The following SCAPER variants were observed in gnomAD, a reference collection of about 807,000 sequenced individuals.
SCAPER encodes S phase cyclin A-associated protein in the endoplasmic reticulum.
In SCAPER, 98 loss-of-function variants were observed where a neutral mutation model predicts 182.2. The observed-to-expected ratio is 0.54, with a 90% CI of 0.46 to 0.64. The LOEUF (loss-of-function observed/expected upper bound fraction) is 0.64. Ranked by LOEUF, SCAPER falls within the 30% of genes least tolerant of loss-of-function variation. The pLI is 0.00. For missense variants in SCAPER, 1,432 were observed against 1,690.0 expected, an observed-to-expected ratio of 0.85 and a Z score of 2.68; for synonymous variants, 605 against 564.6, an observed-to-expected ratio of 1.07 and a Z score of -1.01.
At chr15:76,391,935 T>G (rs1241184684) in intron 27 of SCAPER, among the ~76,000 whole-genome samples, 3 of 152,186 alleles carry the variant, frequency 2.0e-5, no homozygotes, top group African/African-American at 7.2e-5. Context: ...CAAATAGGAC[T>G]GGATTGGATT....
intron 24 of SCAPER, among the ~76,000 whole-genome samples, chr15:76,488,058 C>T (rs528282077): frequency 4.1e-4 from 63 of 152,208 alleles, no homozygotes; most frequent in African/African-American, 1.4e-3. Flanking sequence ...AGATAAAATA[C>T]CTTCTGAATT....
intron 27 of SCAPER, 58 bp from the exon 28 acceptor site, chr15:76,381,673 G>A: frequency 3.8e-6 from 5 of 1,328,530 alleles, no homozygotes; most frequent in Non-Finnish European, 5.2e-6. Flanking sequence ...TTAGCAATTT[G>A]TATAGGTTAA....
chr15:76,474,961 A>G (rs1423264164), intron 24 of SCAPER, among the ~76,000 whole-genome samples: 1 of 152,162 alleles, frequency 6.6e-6, no homozygotes, highest in East Asian at 1.9e-4. Flanking sequence ...CCCACATCTA[A>G]CACATTTATG....
chr15:76,841,982 G>T, intron 4 of SCAPER, 51 bp from the exon 5 acceptor site: 1 of 1,493,208 alleles, frequency 6.7e-7, no homozygotes. Flanking sequence ...GGGCTTCCAG[G>T]GACTGGATTT....
chr15:76,623,192 T>C (rs2052257401), intron 21 of SCAPER, among the ~76,000 whole-genome samples: 1 of 152,238 alleles, frequency 6.6e-6, no homozygotes, highest in Non-Finnish European at 1.5e-5. Flanking sequence ...TCTCCCATTC[T>C]GTAGGTTATC....
In SCAPER at chr15:76,492,257, C is replaced by T. The variant is rs544654910; in HGVS notation, c.2954+12602G>A. 5.1e-4 allele frequency among the ~76,000 whole-genome samples: 78 copies of T among 152,246 alleles called. No homozygotes were observed. The South Asian group carries it at 6.2e-3, about 12-fold the overall frequency. On this transcript the variant is annotated intron_variant, in intron 24 of 31. Transcript: ENST00000563290. ...ATGATCTTTAAAATTTTAAAACGAG[C>T]AAAACCAGATCTCATTTACAAGCAC...
Position 76,686,743 on chromosome 15 carries a change from T to C in SCAPER, c.2508+15015A>G, listed in dbSNP as rs537454069. On this transcript the variant is annotated intron_variant, in intron 20 of 31. Transcript: ENST00000563290. ...AACAAACTAAAGCTCTTCATAGTAA[T>C]TGGATGAATATAAGCATTATAATAC... is the stretch of plus-strand genomic sequence containing the variant. Among the ~76,000 whole-genome samples, 17 of 152,148 alleles carry C rather than the reference T, an allele frequency of 1.1e-4. 1 individual carries two copies. Among genetic ancestry groups the C allele is most frequent in the African/African-American group, 3.6e-4 (15 of 41,538 alleles).
intron 20 of SCAPER, among the ~76,000 whole-genome samples, chr15:76,688,827 A>G (rs1351628558): frequency 2.1e-5 from 3 of 144,326 alleles, no homozygotes; most frequent in African/African-American, 7.6e-5. Context: ...TGGTTACTGT[A>G]GCCTTAAATG....
chr15:76,358,003 G>A (rs2041120765), intron 29 of SCAPER, among the ~76,000 whole-genome samples: 1 of 152,186 alleles, frequency 6.6e-6, no homozygotes, highest in South Asian at 2.1e-4. Context: ...TACTATTCAG[G>A]TGACTGTTAC....
intron 29 of SCAPER, among the ~76,000 whole-genome samples, chr15:76,375,117 C>G (rs2042456216): frequency 6.9e-6 from 1 of 144,356 alleles, no homozygotes; most frequent in African/African-American, 2.6e-5. Context: ...ACTCAGGAGG[C>G]TGAGATGGGA....
rs1394987659 is a variant in SCAPER at position 76,665,698 on chromosome 15, T to C, written c.2600A>G (p.Lys867Arg). 15 of 1,580,700 alleles carry C rather than the reference T, an allele frequency of 9.5e-6. No individual in the cohort carries two copies. The highest frequency in any genetic ancestry group is 1.2e-5 in the Non-Finnish European group (14 of 1,163,478). Residue 867 changes from lysine to arginine, a missense_variant, in exon 21 of 32, where the codon AAA (lysine) becomes AGA (arginine). Around this residue, in one of 5 missense-constraint regions of SCAPER, gnomAD observed 718 missense variants for 799.7 expected, o/e 0.90. Coordinates refer to ENST00000563290, the MANE Select transcript of SCAPER (RefSeq NM_020843.4). The part of the protein sequence containing the change: ...EALKDGEERQ[K>R]NKKKAKKIKA... ...TATCTTTTTGGCTTTTTTTTTATTT[T>C]TTTGCCGCTCTTCTCCATCTTTCAA...
intron 3 of SCAPER, among the ~76,000 whole-genome samples, chr15:76,861,656 C>G (rs8040164): frequency 5.2e-4 from 79 of 152,124 alleles, no homozygotes; most frequent in African/African-American, 1.9e-3. Flanking sequence ...GAAATATCTT[C>G]TATTTTCTAA....
At chr15:76,875,093 G>A (rs990470437) in intron 2 of SCAPER, among the ~76,000 whole-genome samples, 5 of 152,122 alleles carry the variant, frequency 3.3e-5, no homozygotes, top group Admixed American at 6.5e-5. Flanking sequence ...CAGAAAATCT[G>A]AATAGTTACT....
intron 27 of SCAPER, among the ~76,000 whole-genome samples, chr15:76,397,483 T>TTC (rs2044149250): frequency 7.1e-6 from 1 of 140,692 alleles, no homozygotes; most frequent in East Asian, 2.1e-4. Flanking sequence ...ACTTTTTTTT[T>TTC]TTTTTTTTTT....
At chr15:76,698,207 C>T (rs950974161) in intron 20 of SCAPER, among the ~76,000 whole-genome samples, 1 of 151,848 alleles carries the variant, frequency 6.6e-6, no homozygotes, top group African/African-American at 2.4e-5. Context: ...TGTTCCATTT[C>T]ATTTGTATTA....
At chr15:76,609,796 T>G (rs2050814089) in intron 22 of SCAPER, among the ~76,000 whole-genome samples, 1 of 152,176 alleles carries the variant, frequency 6.6e-6, no homozygotes, top group African/African-American at 2.4e-5. Context: ...GAAAGGAGGG[T>G]AAATGTTCTA....
chr15:76,609,459 C>T (rs2050782440), intron 22 of SCAPER, among the ~76,000 whole-genome samples: 1 of 152,068 alleles, frequency 6.6e-6, no homozygotes, highest in Non-Finnish European at 1.5e-5. Flanking sequence ...TGCACTTCAG[C>T]CTGGGCAACA....
At chr15:76,655,511 G>T in intron 21 of SCAPER, among the ~76,000 whole-genome samples, 1 of 152,150 alleles carries the variant, frequency 6.6e-6, no homozygotes, top group East Asian at 1.9e-4. Flanking sequence ...ACTCTAGAGA[G>T]GATAACATTC....
chr15:76,563,201 T>C (rs1430306834), intron 23 of SCAPER, among the ~76,000 whole-genome samples: 3 of 152,200 alleles, frequency 2.0e-5, no homozygotes, highest in African/African-American at 7.2e-5. Context: ...TCTCAATTAG[T>C]AGTCACTGAG....
Sources: allele counts gnomAD v4.1 joint callset (sites outside exome capture counted in the v4.1 genomes callset), GRCh38; gene constraint gnomAD v4.1.1; regional missense constraint gnomAD v4.1.1; transcripts MANE v1.5; gene names NCBI Gene and HGNC (gene_info 2026-07-23, HGNC 2026-07-21).